Variants in VPS41 observed in about 807,000 individuals in gnomAD.
VPS41 encodes the protein vacuolar protein sorting-associated protein 41 homolog.
Under a neutral mutation model 130.9 loss-of-function variants are expected in VPS41, and 85 were observed. That is an observed-to-expected ratio of 0.65 (90% confidence interval 0.55 to 0.78). The LOEUF is 0.78. VPS41 is among the 30% of genes least tolerant of loss of function. The pLI is 0.00. For synonymous variants in VPS41, 335 were observed against 332.9 expected (o/e 1.01, Z -0.07); for missense variants, 874 against 1,018.7 (o/e 0.86, Z 1.93).
chr7:38,809,454 A>T (rs1450723380), intron 7 of VPS41, among the ~76,000 whole-genome samples: 2 of 151,378 alleles, frequency 1.3e-5, no homozygotes, highest in Middle Eastern at 6.3e-3. Flanking sequence ...AATAAAATTT[A>T]AAAACAATCT....
chr7:38,821,095 CACTT>C, intron 6 of VPS41, 104 bp downstream of exon 6: 2 of 792,380 alleles, frequency 2.5e-6, no homozygotes, highest in Non-Finnish European at 4.3e-6. Flanking sequence ...GTTGAACAGA[CACTT>C]ACTGACAAAA....
At chr7:38,883,199 G>T (rs1786650777) in intron 2 of VPS41, among the ~76,000 whole-genome samples, 1 of 152,160 alleles carries the variant, frequency 6.6e-6, no homozygotes, top group Non-Finnish European at 1.5e-5. Flanking sequence ...GCCGAGATCG[G>T]CCGCTGCGCT....
At chr7:38,894,550 G>C (rs1476986550) in intron 2 of VPS41, among the ~76,000 whole-genome samples, 1 of 151,986 alleles carries the variant, frequency 6.6e-6, no homozygotes. Context: ...ATAAACTGAA[G>C]GTCATTAATA....
At chr7:38,801,724 T>G (rs959496651) in intron 7 of VPS41, among the ~76,000 whole-genome samples, 1 of 152,212 alleles carries the variant, frequency 6.6e-6, no homozygotes, top group Non-Finnish European at 1.5e-5. Context: ...AACCAGTGCA[T>G]TGGGGAAAAG....
intron 25 of VPS41, among the ~76,000 whole-genome samples, chr7:38,733,412 G>A (rs1020947797): frequency 1.6e-4 from 24 of 152,190 alleles, no homozygotes; most frequent in African/African-American, 4.3e-4. Context: ...TTGTTTCCCC[G>A]TGCCTTTTTC....
Position 38,756,888 on chromosome 7 carries a change from A to G in VPS41, c.1645T>C (p.Phe549Leu), listed in dbSNP as rs1426661755. ...VFQLIHKHNL[F>L]SSIKDKIVLL... ...ACAATTTTATCCTTGATAGAACTGAAAAGATTATGCTTGTGGATCAACTGA... is the reference window on the plus strand; with the variant it reads ...ACAATTTTATCCTTGATAGAACTGAGAAGATTATGCTTGTGGATCAACTGA... Residue 549 changes from phenylalanine (F) to leucine (L), a missense_variant, in exon 19 of 29, where the codon TTC becomes CTC. By Grantham distance (22) the Phe-to-Leu change is conservative. Coordinates refer to ENST00000310301, the MANE Select transcript of VPS41 (RefSeq NM_014396.4). 6.3e-7 allele frequency: 1 copy of G among 1,598,474 alleles called. No individual in the cohort carries two copies. The highest frequency in any genetic ancestry group is 1.1e-5 in the South Asian group (1 of 90,470).
intron 14 of VPS41, among the ~76,000 whole-genome samples, chr7:38,770,264 C>T (rs1358850182): frequency 1.4e-5 from 2 of 143,966 alleles, no homozygotes; most frequent in East Asian, 2.0e-4. Context: ...AGCGAAACTC[C>T]GTCTCAAAAA....
At chr7:38,883,407 T>C (rs1786656109) in intron 2 of VPS41, among the ~76,000 whole-genome samples, 1 of 152,154 alleles carries the variant, frequency 6.6e-6, no homozygotes, top group African/African-American at 2.4e-5. Context: ...GGGCACAGTG[T>C]TTGCTCTTCC....
chr7:38,826,961 G>A (rs1218196285), intron 5 of VPS41, among the ~76,000 whole-genome samples: 3 of 152,038 alleles, frequency 2.0e-5, no homozygotes, highest in Non-Finnish European at 4.4e-5. Context: ...TGGGACTACA[G>A]GTGCCCGCCG....
rs772039512 is a variant in VPS41 at position 38,742,083 on chromosome 7, C to T, written c.2161G>A (p.Val721Ile). Residue 721 changes from valine to isoleucine, a missense_variant, in exon 25 of 29, where the codon GTT becomes ATT. Coordinates refer to ENST00000310301, the MANE Select transcript of VPS41 (RefSeq NM_014396.4). ...CGGTGAATCAGTAGAATTGGGTCAA[C>T]ATGTGTGCCAATGTTGTTTAACAAG... ...TGLLNNIGTH[V>I]DPILLIHRIK... 3.1e-6 allele frequency: 5 copies of T among 1,612,524 alleles called. No homozygotes were observed. Among genetic ancestry groups the T allele is most frequent in the Non-Finnish European group, 4.2e-6 (5 of 1,179,532 alleles).
Position 38,869,329 on chromosome 7 carries a change from G to A in VPS41, c.61-76C>T, listed in dbSNP as rs1009150055. 1.1e-5 allele frequency: 10 copies of A among 902,996 alleles called. No homozygotes were observed. The East Asian group carries it at 1.2e-4, about 11-fold the overall frequency. The allele number at this position is 902,996 out of a possible 1,614,324, so 55.9% of individuals were successfully genotyped here. ...GAAAACCTCAAAACACACTTCTTAC[G>A]AGAGAACCAGAGATGGTTCCTTCAA... On this transcript the variant is annotated intron_variant, in intron 2 of 28. Transcript: ENST00000310301.
chr7:38,879,492 A>G (rs1376199132), intron 2 of VPS41, among the ~76,000 whole-genome samples: 2 of 151,846 alleles, frequency 1.3e-5, no homozygotes, highest in Non-Finnish European at 2.9e-5. Flanking sequence ...GGAAGTATTC[A>G]AATAACAGAA....
chr7:38,788,978 C>A (rs980478014), intron 10 of VPS41, among the ~76,000 whole-genome samples: 1 of 152,166 alleles, frequency 6.6e-6, no homozygotes, highest in African/African-American at 2.4e-5. Flanking sequence ...TACCCATCCA[C>A]CAAGCAAATG....
At chr7:38,841,819 G>T (rs1342397945) in intron 4 of VPS41, among the ~76,000 whole-genome samples, 1 of 152,160 alleles carries the variant, frequency 6.6e-6, no homozygotes, top group Non-Finnish European at 1.5e-5. Context: ...GGTCAGGCTG[G>T]TCTCAAACTC....
intron 2 of VPS41, among the ~76,000 whole-genome samples, chr7:38,885,415 T>C (rs898126547): frequency 6.6e-6 from 1 of 152,242 alleles, no homozygotes; most frequent in Non-Finnish European, 1.5e-5. Context: ...ACATTGTTTA[T>C]GTTCCATAAA....
intron 2 of VPS41, among the ~76,000 whole-genome samples, chr7:38,894,204 T>A (rs1253356946): frequency 1.3e-5 from 2 of 152,174 alleles, no homozygotes; most frequent in African/African-American, 4.8e-5. Context: ...GAAGGAGGAA[T>A]CTCTGGTGGA....
chr7:38,780,905 T>C (rs1282206558), intron 10 of VPS41, among the ~76,000 whole-genome samples: 2 of 152,008 alleles, frequency 1.3e-5, no homozygotes, highest in Non-Finnish European at 2.9e-5. Flanking sequence ...TCTGGTGGTT[T>C]AGAAGTGTGT....
At chr7:38,784,440 G>A (rs572810902) in intron 10 of VPS41, among the ~76,000 whole-genome samples, 27 of 152,022 alleles carry the variant, frequency 1.8e-4, no homozygotes, top group African/African-American at 6.3e-4. Flanking sequence ...TTTGATACCA[G>A]CATGGGCAAC....
At chr7:38,736,836 C>G (rs1338854942) in intron 25 of VPS41, among the ~76,000 whole-genome samples, 2 of 152,178 alleles carry the variant, frequency 1.3e-5, no homozygotes, top group Non-Finnish European at 2.9e-5. Flanking sequence ...GGATTAAAAA[C>G]AAAAGCATTC....
Sources: allele counts gnomAD v4.1 joint callset (sites outside exome capture counted in the v4.1 genomes callset), GRCh38; gene constraint gnomAD v4.1.1; transcripts MANE v1.5; gene names NCBI Gene and HGNC (gene_info 2026-07-23, HGNC 2026-07-21).